LRP2BP: variants seen among roughly 807,000 people sequenced by gnomAD.
The protein encoded by LRP2BP is LRP2-binding protein.
LRP2BP carries 38 observed loss-of-function variants against 45.2 expected under a neutral mutation model. The ratio of observed to expected loss-of-function variants is 0.84; its 90% CI spans 0.65 to 1.10. The LOEUF is 1.10. LRP2BP is among the 50% of genes least tolerant of loss of function. The probability of loss-of-function intolerance (pLI) is 0.00; values close to 1 mark genes in which losing one functional copy is unlikely to be tolerated. For synonymous variants in LRP2BP, 153 were observed against 153.9 expected (o/e 0.99, Z 0.04); for missense variants, 385 against 418.9 (o/e 0.92, Z 0.71).
At chr4:185,397,042 G>A, upstream of LRP2BP, 1 of 1,610,176 alleles carries the variant, frequency 6.2e-7, no homozygotes, top group African/African-American at 1.3e-5. Context: ...GGACCACTGG[G>A]CGCTGCCTGG....
intron 4 of LRP2BP, 90 bp from the exon 5 acceptor site, chr4:185,374,551 C>T (rs2095426833): frequency 8.1e-6 from 11 of 1,355,444 alleles, no homozygotes. Context: ...AAGTGTCCGC[C>T]CTCTGACACG....
chr4:185,380,664 G>A (rs2095453328), intron 1 of LRP2BP, among the ~76,000 whole-genome samples: 1 of 152,242 alleles, frequency 6.6e-6, no homozygotes, highest in Middle Eastern at 3.4e-3. Context: ...TTTCCAAAGA[G>A]GTTCACATTC....
intron 3 of LRP2BP, 150 bp downstream of exon 3, chr4:185,376,759 G>T: frequency 1.7e-6 from 1 of 597,620 alleles, no homozygotes. Flanking sequence ...TGGCAGCACT[G>T]TATCCTACTG....
intron 7 of LRP2BP, 87 bp downstream of exon 7, chr4:185,372,769 A>T: frequency 8.6e-7 from 1 of 1,162,530 alleles, no homozygotes; most frequent in Non-Finnish European, 1.2e-6. Flanking sequence ...GGCCTCTGGA[A>T]CTGTGAGAAA....
chr4:185,379,732 G>A (rs970786804), intron 1 of LRP2BP, among the ~76,000 whole-genome samples: 1 of 152,222 alleles, frequency 6.6e-6, no homozygotes, highest in Non-Finnish European at 1.5e-5. Context: ...CAGTGGGGAA[G>A]TTAAGTAACT....
chr4:185,388,090 A>AT (rs2095476951), intron 1 of LRP2BP, among the ~76,000 whole-genome samples: 1 of 152,166 alleles, frequency 6.6e-6, no homozygotes, highest in African/African-American at 2.4e-5. Context: ...CTAAGCTAAT[A>AT]TTTTCAGGCC....
At chr4:185,380,746 AG>A (rs1479656169) in intron 1 of LRP2BP, among the ~76,000 whole-genome samples, 1 of 152,162 alleles carries the variant, frequency 6.6e-6, no homozygotes, top group African/African-American at 2.4e-5. Context: ...TGCTCTTCAG[AG>A]GCCCCAATCT....
Position 185,364,796 on chromosome 4 carries a change from A to G in LRP2BP, c.*2384T>C, listed in dbSNP as rs922179958. The G allele has an allele frequency of 1.3e-5, 2 of 152,240 alleles. No individual in the cohort carries two copies. Among genetic ancestry groups the G allele is most frequent in the Admixed American group, 6.5e-5 (1 of 15,280 alleles). 9.4% of individuals were successfully genotyped at this position (152,240 alleles called of 1,614,324 possible). A position where few individuals can be genotyped will look rare whatever the true frequency, so the allele number is the denominator to read the frequency against. ...AAAATACATTCAAGGAAGAGAGGCAATGTGAAGTTGTCAAGCCTGAAGAAC... is the reference window on the plus strand; with the variant it reads ...AAAATACATTCAAGGAAGAGAGGCAGTGTGAAGTTGTCAAGCCTGAAGAAC... On this transcript the variant is annotated 3_prime_UTR_variant, in exon 9 of 9. Transcript: ENST00000505916.
intron 1 of LRP2BP, among the ~76,000 whole-genome samples, chr4:185,393,942 TG>T (rs2095495082): frequency 6.6e-6 from 1 of 152,198 alleles, no homozygotes; most frequent in Non-Finnish European, 1.5e-5. Context: ...GTTTTTTCTA[TG>T]GATTACAATA....
Position 185,375,410 on chromosome 4 carries a change from C to T in LRP2BP, c.330+203G>A, listed in dbSNP as rs2095429932. 3.2e-5 allele frequency among the ~76,000 whole-genome samples: 4 copies of T among 126,848 alleles called. No homozygotes were observed. In the South Asian group the frequency reaches 8.2e-4, roughly 26 times the overall value. The allele number at this position is 126,848 out of a possible 152,430, so 83.2% of individuals were successfully genotyped here. ...AGCAGAGGTTGCAGTGAGCCGAGGT[C>T]GCGCCATTGCACTCCAGCCTGGGCG... On this transcript the variant is annotated intron_variant, in intron 4 of 8. Transcript: ENST00000505916.
intron 1 of LRP2BP, among the ~76,000 whole-genome samples, chr4:185,388,818 A>T (rs566615936): frequency 3.3e-5 from 1 of 30,116 alleles, no homozygotes; most frequent in East Asian, 1.7e-3. Context: ...TACTCAAATT[A>T]ATCTTTGTTC....
At chr4:185,373,446 T>C (rs1193680342) in intron 6 of LRP2BP, among the ~76,000 whole-genome samples, 1 of 152,108 alleles carries the variant, frequency 6.6e-6, no homozygotes, top group Non-Finnish European at 1.5e-5. Context: ...CCACTGATGC[T>C]AAGGGAGAGT....
At position 185,395,682 on chromosome 4, in the gene LRP2BP, A is replaced by C. The variant is rs776592581; in HGVS notation, c.-925T>G. 1 of 985,226 alleles carries C rather than the reference A, an allele frequency of 1.0e-6. No homozygotes were observed. The highest frequency in any genetic ancestry group is 1.2e-6 in the Non-Finnish European group (1 of 829,724). 61.0% of individuals were successfully genotyped at this position (985,226 alleles called of 1,614,324 possible). On this transcript the variant is annotated 5_prime_UTR_variant, in exon 1 of 9. Coordinates refer to ENST00000505916, the MANE Select transcript of LRP2BP (RefSeq NM_001377440.1). ...TGGGTAACTAAGTATAACAACATAAACTTGCGATTGCAAATTTTATGGCTC... is the reference window on the plus strand; with the variant it reads ...TGGGTAACTAAGTATAACAACATAACCTTGCGATTGCAAATTTTATGGCTC...
At chr4:185,392,394 GT>G (rs1483199791) in intron 1 of LRP2BP, among the ~76,000 whole-genome samples, 1 of 152,090 alleles carries the variant, frequency 6.6e-6, no homozygotes, top group African/African-American at 2.4e-5. Flanking sequence ...TGCAGCAGTT[GT>G]TTAGAATAAC....
At chr4:185,376,434 G>T (rs1030674351) in intron 3 of LRP2BP, among the ~76,000 whole-genome samples, 1 of 145,110 alleles carries the variant, frequency 6.9e-6, no homozygotes, top group Non-Finnish European at 1.5e-5. Context: ...GTGCCACCAT[G>T]CCCAGCTACT....
chr4:185,370,919 T>G, intron 7 of LRP2BP, 105 bp from the exon 8 acceptor site: 1 of 1,239,820 alleles, frequency 8.1e-7, no homozygotes, highest in Non-Finnish European at 1.2e-6. Flanking sequence ...GATTTCTCTC[T>G]ACTGCTTTGA....
At chr4:185,385,379 C>G (rs2095468203) in intron 1 of LRP2BP, among the ~76,000 whole-genome samples, 1 of 152,128 alleles carries the variant, frequency 6.6e-6, no homozygotes, top group African/African-American at 2.4e-5. Context: ...TTGCTCATCA[C>G]TATCCAAGTG....
At position 185,381,670 on chromosome 4, in the gene LRP2BP, G is replaced by C. The variant is rs192985987; in HGVS notation, c.-21-3463C>G. Among the ~76,000 whole-genome samples, 9 of 152,254 alleles carry C rather than the reference G, an allele frequency of 5.9e-5. No homozygotes were observed. The East Asian group carries it at 1.5e-3, about 26-fold the overall frequency. On this transcript the variant is annotated intron_variant, in intron 1 of 8. Coordinates refer to ENST00000505916, the MANE Select transcript of LRP2BP (RefSeq NM_001377440.1). Reference sequence around the variant, plus strand: ...TTTTTAGTTGTCCTGACTATGACAAGTATGAGACAGCCTCTAATTCAGGCT... The same window carrying C: ...TTTTTAGTTGTCCTGACTATGACAACTATGAGACAGCCTCTAATTCAGGCT...
upstream of LRP2BP, chr4:185,397,230 C>T (rs2095505835): frequency 6.2e-7 from 1 of 1,614,174 alleles, no homozygotes; most frequent in East Asian, 2.2e-5. Context: ...CGCCTGTCCA[C>T]TTAGCCGCAG....
Sources: allele counts gnomAD v4.1 joint callset (sites outside exome capture counted in the v4.1 genomes callset), GRCh38; gene constraint gnomAD v4.1.1; transcripts MANE v1.5; gene names NCBI Gene and HGNC (gene_info 2026-07-23, HGNC 2026-07-21).